The following CHD8 variants were observed in gnomAD, a reference collection of about 807,000 sequenced individuals.
CHD8 encodes the protein ATP-dependent chromatin remodeler CHD8.
A neutral mutation model predicts 279.2 loss-of-function variants in CHD8; 31 were observed. The ratio of observed to expected loss-of-function variants is 0.11; its 90% CI spans 0.08 to 0.15. The LOEUF (loss-of-function observed/expected upper bound fraction) is 0.15, where lower values mean the gene tolerates loss of function less well. Among genes scored for constraint, CHD8 ranks in the 10% least tolerant of loss-of-function variants. The pLI is 1.00. For synonymous variants in CHD8, 1,081 were observed against 1,139.6 expected, an observed-to-expected ratio of 0.95 and a Z score of 1.04; for missense variants, 2,146 against 3,230.5, an observed-to-expected ratio of 0.66 and a Z score of 8.14.
intron 25 of CHD8, 34 bp downstream of exon 25, chr14:21,399,947 G>A: frequency 2.6e-6 from 4 of 1,522,128 alleles, no homozygotes; most frequent in Non-Finnish European, 3.6e-6. Context: ...AAATAAGGTA[G>A]GGCATAAATC....
chr14:21,395,480 A>G, intron 28 of CHD8, 128 bp from the exon 29 acceptor site: 1 of 654,582 alleles, frequency 1.5e-6, no homozygotes. Flanking sequence ...TTCTAAAGAA[A>G]TATATCCCCA....
rs1887184474 is a variant in CHD8, at chr14:21,385,516, C to G, written c.*97G>C. 1.4e-6 allele frequency: 2 copies of G among 1,434,212 alleles called. No homozygotes were observed. The highest frequency in any genetic ancestry group is 2.9e-5 in the African/African-American group (2 of 69,516). The allele number at this position is 1,434,212 out of a possible 1,614,324, so 88.8% of individuals were successfully genotyped here. On this transcript the variant is annotated 3_prime_UTR_variant, in exon 38 of 38. Transcript: ENST00000646647. ...TCACCTCCTGGAGTCCTGGACTTCCCCACATCTCCCCTGCCCCTCCCACGT... is the reference window on the plus strand; with the variant it reads ...TCACCTCCTGGAGTCCTGGACTTCCGCACATCTCCCCTGCCCCTCCCACGT...
intron 1 of CHD8, among the ~76,000 whole-genome samples, chr14:21,452,262 G>A (rs1434588862): frequency 2.0e-5 from 3 of 151,064 alleles, no homozygotes; most frequent in East Asian, 2.0e-4. Context: ...TAGGATGCCC[G>A]CCTTGGCCTC....
intron 1 of CHD8, chr14:21,436,893 T>C: frequency 2.5e-6 from 3 of 1,215,176 alleles, no homozygotes; most frequent in Non-Finnish European, 3.2e-6. Flanking sequence ...GGGACCCGGG[T>C]ACATTACCTG....
chr14:21,405,029 A>C lies in CHD8; in HGVS notation c.3307+180T>G, dbSNP rs1199587075. ...GTATTTTTTGTAGAGGTGGGATTTC[A>C]TCATGTTGCCCAGGCTTAGAGTCTC... On this transcript the variant is annotated intron_variant, in intron 16 of 37. Transcript: ENST00000646647. This position sits in a 1 kb window ranked among gnomAD's most constrained non-coding sequence, Gnocchi z 4.2. 4.9e-5 allele frequency: 30 copies of C among 612,726 alleles called. No homozygotes were observed. Among genetic ancestry groups the C allele is most frequent in the Non-Finnish European group, 8.4e-5 (30 of 357,300 alleles). The allele number at this position is 612,726 out of a possible 1,614,324, so 38.0% of individuals were successfully genotyped here.
chr14:21,428,292 T>G, intron 3 of CHD8, 38 bp from the exon 4 acceptor site: 1 of 1,594,118 alleles, frequency 6.3e-7, no homozygotes, highest in Non-Finnish European at 8.6e-7. Flanking sequence ...AACTTGCTTG[T>G]AGTTAAATGG....
intron 1 of CHD8, among the ~76,000 whole-genome samples, chr14:21,441,471 G>GCTAA (rs1268997384): frequency 6.6e-6 from 1 of 152,122 alleles, no homozygotes. Context: ...TTGGCCTTTT[G>GCTAA]CTAAGATCAA....
chr14:21,423,554 A>G (rs1054900156), intron 5 of CHD8, among the ~76,000 whole-genome samples: 1 of 151,836 alleles, frequency 6.6e-6, no homozygotes, highest in Non-Finnish European at 1.5e-5. Flanking sequence ...CAGGGGGTGC[A>G]GTAACAGTCT....
chr14:21,427,823 T>C, intron 4 of CHD8, 46 bp downstream of exon 4: 2 of 1,592,276 alleles, frequency 1.3e-6, no homozygotes, highest in South Asian at 2.3e-5. Flanking sequence ...AGTACTCACT[T>C]GAGCTTACTC....
chr14:21,452,747 T>A (rs1215679830), intron 1 of CHD8, among the ~76,000 whole-genome samples: 2 of 150,174 alleles, frequency 1.3e-5, no homozygotes, highest in Non-Finnish European at 1.5e-5. Context: ...GCGATTTGGG[T>A]GGCCGAGACA....
In CHD8 at chr14:21,393,917, C is replaced by T. The variant is rs1029580412; in HGVS notation, c.5878G>A (p.Ala1960Thr). 1.2e-6 allele frequency: 2 copies of T among 1,613,878 alleles called. No individual in the cohort carries two copies. Among genetic ancestry groups the T allele is most frequent in the Admixed American group, 1.7e-5 (1 of 59,994 alleles). Residue 1960 changes from alanine to threonine, a missense_variant, in exon 32 of 38, where the codon GCC becomes ACC. Ala to Thr is a moderately conservative substitution (Grantham distance 58). Transcript: ENST00000646647. ...TGGTTCTGCATATAATTCATACGGG[C>T]AGCCAGAAAAGAGAAGTCTGGGTCC... The part of the protein sequence containing the change: ...MQDPDFSFLA[A>T]RMNYMQNHQA...
chr14:21,394,341 C>A lies in CHD8; in HGVS notation c.5535G>T (p.Lys1845Asn), dbSNP rs372179481. 6.2e-7 allele frequency: 1 copy of A among 1,613,826 alleles called. No individual in the cohort carries two copies. The highest frequency in any genetic ancestry group is 2.2e-5 in the East Asian group (1 of 44,880). The change falls in exon 31 of 38, where the codon AAG becomes AAT. Residue 1845 changes from lysine to asparagine, a missense_variant. By Grantham distance (94) the Lys-to-Asn change is moderately conservative. Around this residue, in one of 26 missense-constraint regions of CHD8, gnomAD observed 513 missense variants for 637.6 expected, o/e 0.80. Transcript: ENST00000646647. ...LDKKTDESLT[K>N]YFHGFVAMCR... The stretch of plus-strand genomic sequence containing the variant: ...ACATGGCCACAAAGCCATGGAAGTA[C>A]TTGGTAAGGCTTTCATCTGTCTTTT...
At position 21,429,224 on chromosome 14, in the gene CHD8, T is replaced by G; in HGVS notation, c.955A>C (p.Asn319His). ...SLPGKIVLQG[N>H]QLAALTQAKN... ...GCTTGAGTCAGGGCTGCCAGCTGGTTGCCCTGTAACACTATCTTGCCTGGT... is the reference window on the plus strand; with the variant it reads ...GCTTGAGTCAGGGCTGCCAGCTGGTGGCCCTGTAACACTATCTTGCCTGGT... Residue 319 changes from asparagine (N) to histidine (H), a missense_variant, in exon 3 of 38, where the codon AAC becomes CAC. Physicochemically the swap from Asn to His is moderately conservative, Grantham distance 68. Coordinates refer to ENST00000646647, the MANE Select transcript of CHD8 (RefSeq NM_001170629.2). 6.2e-7 allele frequency: 1 copy of G among 1,613,992 alleles called. No individual in the cohort carries two copies. Among genetic ancestry groups the G allele is most frequent in the East Asian group, 2.2e-5 (1 of 44,884 alleles).
chr14:21,393,077 A>G, intron 33 of CHD8, 29 bp downstream of exon 33: 1 of 1,606,960 alleles, frequency 6.2e-7, no homozygotes, highest in Non-Finnish European at 8.5e-7. Flanking sequence ...TCTGGACTCT[A>G]CATGTCCAGG....
Position 21,395,061 on chromosome 14 carries a change from A to C in CHD8, c.5241T>G (p.Ala1747=). 6.2e-7 allele frequency: 1 copy of C among 1,614,008 alleles called. No individual in the cohort carries two copies. The highest frequency in any genetic ancestry group is 8.5e-7 in the Non-Finnish European group (1 of 1,179,890). Residue 1747 remains alanine (A), a synonymous_variant, in exon 30 of 38, where the codon GCT becomes GCG. Transcript: ENST00000646647. Reference sequence around the variant, plus strand: ...ACGCTGTTACTAGACGCCGAAGCCTAGCTGTTAGGGCAGAGCCCGGAGGCC... The same window carrying C: ...ACGCTGTTACTAGACGCCGAAGCCTCGCTGTTAGGGCAGAGCCCGGAGGCC... ...LFWPPGSALT[A]RLRRLVTAYQ... is the part of the protein sequence containing the mutation.
At chr14:21,444,201 G>A (rs561432572) in intron 1 of CHD8, among the ~76,000 whole-genome samples, 1 of 152,224 alleles carries the variant, frequency 6.6e-6, no homozygotes, top group South Asian at 2.1e-4. Flanking sequence ...TGAAACAACT[G>A]GCACAGTGCT....
rs1566415628 is a variant in CHD8 at position 21,395,346 on chromosome 14, G to A, written c.5134C>T (p.Pro1712Ser). 1.2e-6 allele frequency: 2 copies of A among 1,604,598 alleles called. No homozygotes were observed. Among genetic ancestry groups the A allele is most frequent in the Non-Finnish European group, 1.7e-6 (2 of 1,174,566 alleles). ...ATCTCCTCATCCATCATCATCAAGG[G>A]ATCACCCTAGAGAAGGAGATCCACC... Reference protein sequence around the residue: ...PPKDQDDEGDPLMMMDEEISV... With the variant: ...PPKDQDDEGDSLMMMDEEISV... The change falls in exon 29 of 38, where the codon CCC (proline) becomes TCC (serine). Residue 1712 changes from proline to serine, a missense_variant. Pro to Ser is a moderately conservative substitution (Grantham distance 74). Coordinates refer to ENST00000646647, the MANE Select transcript of CHD8 (RefSeq NM_001170629.2).
At position 21,392,753 on chromosome 14, in the gene CHD8, C is replaced by A; in HGVS notation, c.6525G>T (p.Lys2175Asn). 6.2e-7 allele frequency: 1 copy of A among 1,613,988 alleles called. No individual in the cohort carries two copies. The highest frequency in any genetic ancestry group is 8.5e-7 in the Non-Finnish European group (1 of 1,179,888). The change falls in exon 34 of 38, where the codon AAG becomes AAT. Residue 2175 changes from lysine (K) to asparagine (N), a missense_variant. By Grantham distance (94) the Lys-to-Asn change is moderately conservative. Transcript: ENST00000646647. ...CCTGGCTCCTACGGCTAGAAGGCCA[C>A]TTCCCTGAGAGTACAGCCTGGCAGA... ...DLVCQAVLSGKWPSSRRSQEM... is the reference protein window; with the variant it reads ...DLVCQAVLSGNWPSSRRSQEM...
At chr14:21,438,585 A>G (rs960377869) in intron 1 of CHD8, among the ~76,000 whole-genome samples, 3 of 151,608 alleles carry the variant, frequency 2.0e-5, no homozygotes, top group African/African-American at 7.3e-5. Flanking sequence ...CTGTAATCCC[A>G]GCACTTTGGG....
Sources: gnomAD v4.1 joint callset for allele counts (sites outside exome capture counted in the v4.1 genomes callset) on GRCh38, gnomAD v4.1.1 for gene constraint, gnomAD v4.1.1 regional missense constraint, Gnocchi (gnomAD v3.1) non-coding constraint, MANE v1.5 for transcripts, NCBI Gene and HGNC (gene_info 2026-07-23, HGNC 2026-07-21) for gene names.